The following ZDHHC8 variants were observed in gnomAD, a reference collection of about 807,000 sequenced individuals.
ZDHHC8 encodes the protein zDHHC palmitoyltransferase 8.
ZDHHC8 carries 24 observed loss-of-function variants against 61.2 expected under a neutral mutation model. The observed-to-expected ratio is 0.39, with a 90% CI of 0.28 to 0.55. ZDHHC8 has a LOEUF of 0.55. Among genes scored for constraint, ZDHHC8 ranks in the 20% least tolerant of loss-of-function variants. ZDHHC8 has a pLI of 0.60. For synonymous variants in ZDHHC8, 523 were observed against 492.5 expected, an observed-to-expected ratio of 1.06 and a Z score of -0.82; for missense variants, 935 against 1,102.1, an observed-to-expected ratio of 0.85 and a Z score of 2.15.
rs372209569 is a variant in ZDHHC8, at chr22:20,143,437, C to T, written c.1807C>T (p.Arg603Cys). Residue 603 changes from arginine to cysteine, a missense_variant, in exon 10 of 11, where the codon CGC (arginine) becomes TGC (cysteine). Arg to Cys is a radical substitution (Grantham distance 180). Coordinates refer to ENST00000334554, the MANE Select transcript of ZDHHC8 (RefSeq NM_013373.4). ...LSEGPRGPAL[R>C]YGSRDDLVAG... ...CGAGGGCCCCCGAGGTCCCGCGCTG[C>T]GCTATGGCTCCAGAGACGACCTTGT... The T allele has an allele frequency of 1.3e-5, 21 of 1,600,196 alleles. No individual in the cohort carries two copies. The highest frequency in any genetic ancestry group is 5.0e-5 in the Admixed American group (3 of 59,830).
chr22:20,141,137 GC>G, intron 7 of ZDHHC8, 79 bp from the exon 8 acceptor site: 1 of 1,582,782 alleles, frequency 6.3e-7, no homozygotes, highest in Non-Finnish European at 8.6e-7. Context: ...TTGGGAGGGG[GC>G]TAGGTCCCAG....
rs140056877 is a variant in ZDHHC8 at position 20,142,818 on chromosome 22, C to T, written c.1188C>T (p.Ser396=). ...GCATCCGTAGCCTGGACTTTGTGTC[C>T]GAGCCGAGCCTGGACCTCCCTGACT... ...DDSIRSLDFV[S]EPSLDLPDYG... Residue 396 remains serine, a synonymous_variant, in exon 10 of 11, where the codon TCC becomes TCT. Transcript: ENST00000334554. 4.0e-3 allele frequency: 6,445 copies of T among 1,612,544 alleles called. 17 individuals carry two copies. The highest frequency in any genetic ancestry group is 6.8e-3 in the Middle Eastern group (41 of 6,010).
chr22:20,131,966 A>G lies in ZDHHC8; in HGVS notation c.19A>G (p.Thr7Ala). 7.7e-7 allele frequency: 1 copy of G among 1,298,092 alleles called. No individual in the cohort carries two copies. The highest frequency in any genetic ancestry group is 1.0e-6 in the Non-Finnish European group (1 of 1,004,686). 80.4% of individuals were successfully genotyped at this position (1,298,092 alleles called of 1,614,324 possible). A position where few individuals can be genotyped will look rare whatever the true frequency, so the allele number is the denominator to read the frequency against. Residue 7 changes from threonine to alanine, a missense_variant, in exon 1 of 11, where the codon ACG becomes GCG. Thr to Ala is a moderately conservative substitution (Grantham distance 58). This residue lies in a region of ZDHHC8 where 44 missense variants were observed against 36.6 expected (regional missense o/e 1.20). Coordinates refer to ENST00000334554, the MANE Select transcript of ZDHHC8 (RefSeq NM_013373.4). MPRSPG[T>A]RLKPAKYIPV... ...GCCCAGGATGCCCCGCAGCCCCGGGACGCGCCTCAAACCCGCCAAGTACAT... is the reference window on the plus strand; with the variant it reads ...GCCCAGGATGCCCCGCAGCCCCGGGGCGCGCCTCAAACCCGCCAAGTACAT...
chr22:20,135,423 T>C (rs1450832822), intron 1 of ZDHHC8, among the ~76,000 whole-genome samples: 3 of 152,224 alleles, frequency 2.0e-5, no homozygotes, highest in African/African-American at 4.8e-5. Context: ...ACCCTGTGAA[T>C]GTCCGAGGGC....
rs1441998073 is a variant in ZDHHC8, at chr22:20,131,978, CCCG to C, written c.34_36del (p.Ala12del). The C allele has an allele frequency of 1.5e-6, 2 of 1,350,256 alleles. No homozygotes were observed. The highest frequency in any genetic ancestry group is 1.9e-6 in the Non-Finnish European group (2 of 1,033,880). The allele number at this position is 1,350,256 out of a possible 1,614,324, so 83.6% of individuals were successfully genotyped here. A position where few individuals can be genotyped will look rare whatever the true frequency, so the allele number is the denominator to read the frequency against. On this transcript the variant is annotated inframe_deletion, in exon 1 of 11. Coordinates refer to ENST00000334554, the MANE Select transcript of ZDHHC8 (RefSeq NM_013373.4). ...CCGCAGCCCCGGGACGCGCCTCAAA[CCCG>C]CCAAGTACATCCCGGTGGCCACGGC...
chr22:20,142,657 C>T (rs1464058585), intron 9 of ZDHHC8, 99 bp from the exon 10 acceptor site: 3 of 1,506,628 alleles, frequency 2.0e-6, no homozygotes, highest in Non-Finnish European at 2.7e-6. Flanking sequence ...AGGCCCAGTT[C>T]CTGAGGCCAC....
rs1230794686 is a variant in ZDHHC8, at chr22:20,139,470, G to A, written c.227-8G>A. 4 of 1,613,288 alleles carry A rather than the reference G, an allele frequency of 2.5e-6. No homozygotes were observed. In the African/African-American group the frequency reaches 5.3e-5, roughly 22 times the overall value. On this transcript the variant is annotated splice_region_variant and splice_polypyrimidine_tract_variant and intron_variant, in intron 2 of 10. Coordinates refer to ENST00000334554, the MANE Select transcript of ZDHHC8 (RefSeq NM_013373.4). ...CTTCCTGCTCACTGCCTGGCTCCTG[G>A]TCTGTAGCGGATGAGGATGAGGACA...
Position 20,140,163 on chromosome 22 carries a change from C to T in ZDHHC8, c.606C>T (p.Gly202=), listed in dbSNP as rs1406254704. 2 of 1,613,686 alleles carry T rather than the reference C, an allele frequency of 1.2e-6. No homozygotes were observed. Among genetic ancestry groups the T allele is most frequent in the South Asian group, 1.1e-5 (1 of 91,082 alleles). The change falls in exon 5 of 11, where the codon GGC becomes GGT. Residue 202 remains glycine, a synonymous_variant. Coordinates refer to ENST00000334554, the MANE Select transcript of ZDHHC8 (RefSeq NM_013373.4). ...GCCTCTTCTTCATCCCTGTCATTGGCCTCACTGGCTTCCATGTGGTGCTGG... is the reference window on the plus strand; with the variant it reads ...GCCTCTTCTTCATCCCTGTCATTGGTCTCACTGGCTTCCATGTGGTGCTGG... ...VAGLFFIPVI[G]LTGFHVVLVT... is the part of the protein sequence containing the mutation.
intron 5 of ZDHHC8, 173 bp downstream of exon 5, chr22:20,140,390 C>A: frequency 1.3e-6 from 1 of 780,892 alleles, no homozygotes; most frequent in Non-Finnish European, 2.0e-6. Flanking sequence ...GTCCCCTGCG[C>A]ACATCCTGCC....
chr22:20,140,092 C>T (rs1602570767), intron 4 of ZDHHC8, 23 bp from the exon 5 acceptor site: 1 of 1,612,586 alleles, frequency 6.2e-7, no homozygotes, highest in Non-Finnish European at 8.5e-7. Context: ...TCCTGGCCTG[C>T]ACCGTTGGCC....
At position 20,140,683 on chromosome 22, in the gene ZDHHC8, G is replaced by A. The variant is rs1256060715; in HGVS notation, c.727G>A (p.Val243Met). The A allele has an allele frequency of 6.8e-6, 11 of 1,611,700 alleles. No individual in the cohort carries two copies. In the East Asian group the frequency reaches 8.9e-5, roughly 13 times the overall value. The change falls in exon 6 of 11, where the codon GTG (valine) becomes ATG (methionine). Residue 243 changes from valine (V) to methionine (M), a missense_variant. Physicochemically the swap from Val to Met is conservative, Grantham distance 21. Transcript: ENST00000334554. The part of the protein sequence containing the change: ...TRGCCGNVEH[V>M]LCSPLAPRYV... ...AGGCTGCTGTGGGAATGTGGAGCACGTGCTGTGTAGCCCCCTGGCGCCCCG... is the reference window on the plus strand; with the variant it reads ...AGGCTGCTGTGGGAATGTGGAGCACATGCTGTGTAGCCCCCTGGCGCCCCG...
chr22:20,132,433 TTC>T (rs1313822097), intron 1 of ZDHHC8, among the ~76,000 whole-genome samples: 2 of 152,178 alleles, frequency 1.3e-5, no homozygotes, highest in Non-Finnish European at 2.9e-5. Flanking sequence ...ACCATGAGTC[TTC>T]TCTGCAGGTG....
Position 20,146,436 on chromosome 22 carries a change from A to T in ZDHHC8, c.*1036A>T. The T allele has an allele frequency of 5.1e-6, 5 of 984,814 alleles. No individual in the cohort carries two copies. The highest frequency in any genetic ancestry group is 1.1e-4 in the East Asian group (1 of 8,806). The allele number at this position is 984,814 out of a possible 1,614,324, so 61.0% of individuals were successfully genotyped here. On this transcript the variant is annotated 3_prime_UTR_variant, in exon 11 of 11. Transcript: ENST00000334554. ...ACATCTATATATCTATAATTTTATTAAAAAAAAGAAAAAGAGTTATTTTGA... is the reference window on the plus strand; with the variant it reads ...ACATCTATATATCTATAATTTTATTTAAAAAAAGAAAAAGAGTTATTTTGA...
At chr22:20,135,990 G>A (rs1472490171) in intron 1 of ZDHHC8, among the ~76,000 whole-genome samples, 4 of 152,264 alleles carry the variant, frequency 2.6e-5, no homozygotes, top group East Asian at 1.9e-4. Flanking sequence ...CCTCTTGCTC[G>A]GCGGTATCTC....
In ZDHHC8 at chr22:20,133,252, G is replaced by A. The variant is rs118099740; in HGVS notation, c.104+1201G>A. ...GTCACTTAGTTGCTGCTGGTGTGGG[G>A]CAGAGAGAGGTGGGTGGGGGGCAGC... On this transcript the variant is annotated intron_variant, in intron 1 of 10. Coordinates refer to ENST00000334554, the MANE Select transcript of ZDHHC8 (RefSeq NM_013373.4). Among the ~76,000 whole-genome samples, 114 of 152,172 alleles carry A rather than the reference G, an allele frequency of 7.5e-4. 2 individuals carry two copies. In the East Asian group the frequency reaches 0.02, roughly 27 times the overall value.
Position 20,141,889 on chromosome 22 carries a change from C to T in ZDHHC8, c.1125+359C>T, listed in dbSNP as rs569848183. On this transcript the variant is annotated intron_variant, in intron 9 of 10. Coordinates refer to ENST00000334554, the MANE Select transcript of ZDHHC8 (RefSeq NM_013373.4). ...CTGTGTACCAGGATGCCTGGAATTC[C>T]ACCATTAGTCACTCTGTAAGGCCCA... Among the ~76,000 whole-genome samples the T allele has an allele frequency of 7.2e-5, 11 of 152,342 alleles. No homozygotes were observed. In the East Asian group the frequency reaches 1.9e-3, roughly 27 times the overall value.
At chr22:20,132,976 G>GTTCCAAGGTGGGGCCACCCC (rs2050390412) in intron 1 of ZDHHC8, among the ~76,000 whole-genome samples, 1 of 152,250 alleles carries the variant, frequency 6.6e-6, no homozygotes, top group Admixed American at 6.5e-5. Context: ...ATGGCCACCT[G>GTTCCAAGGTGGGGCCACCCC]TTCCAAGGTG....
Position 20,131,986 on chromosome 22 carries a change from G to A in ZDHHC8, c.39G>A (p.Lys13=). ...RSPGTRLKPA[K]YIPVATAAAL... is the part of the protein sequence containing the mutation. ...CCGGGACGCGCCTCAAACCCGCCAA[G>A]TACATCCCGGTGGCCACGGCCGCCG... Residue 13 remains lysine, a synonymous_variant, in exon 1 of 11, where the codon AAG becomes AAA. Transcript: ENST00000334554. The A allele has an allele frequency of 7.3e-7, 1 of 1,370,650 alleles. No individual in the cohort carries two copies. The highest frequency in any genetic ancestry group is 9.6e-7 in the Non-Finnish European group (1 of 1,045,352). The allele number at this position is 1,370,650 out of a possible 1,614,324, so 84.9% of individuals were successfully genotyped here.
chr22:20,133,567 A>G lies in ZDHHC8; in HGVS notation c.104+1516A>G, dbSNP rs562800257. ...AACATGGCGAAACCCCGTCTCTACT[A>G]AAAGTACAAAAACTAGCCAGGCGTG... On this transcript the variant is annotated intron_variant, in intron 1 of 10. Transcript: ENST00000334554. Among the ~76,000 whole-genome samples the G allele has an allele frequency of 3.5e-4, 53 of 152,202 alleles. No homozygotes were observed. The South Asian group carries it at 9.9e-3, about 29-fold the overall frequency.
Sources: gnomAD v4.1 joint callset for allele counts (sites outside exome capture counted in the v4.1 genomes callset) on GRCh38, gnomAD v4.1.1 for gene constraint, gnomAD v4.1.1 regional missense constraint, MANE v1.5 for transcripts, NCBI Gene and HGNC (gene_info 2026-07-23, HGNC 2026-07-21) for gene names.